Variants in MYH1 observed in about 807,000 individuals in gnomAD.
MYH1 encodes the protein myosin-1.
A neutral mutation model predicts 225.6 loss-of-function variants in MYH1; 214 were observed. The observed-to-expected ratio is 0.95, with a 90% confidence interval of 0.85 to 1.06. The LOEUF is 1.06. MYH1 is among the 50% of genes least tolerant of loss of function. The pLI is 0.00. For synonymous variants in MYH1, 774 were observed against 842.3 expected, an observed-to-expected ratio of 0.92 and a Z score of 1.40; for missense variants, 2,098 against 2,344.2, an observed-to-expected ratio of 0.89 and a Z score of 2.17.
Position 10,512,440 on chromosome 17 carries a change from C to T in MYH1, c.1115G>A (p.Arg372His), listed in dbSNP as rs190851894. Residue 372 changes from arginine (R) to histidine (H), a missense_variant, in exon 12 of 40, where the codon CGT (arginine) becomes CAT (histidine). Physicochemically the swap from Arg to His is conservative, Grantham distance 29. Coordinates refer to ENST00000226207, the MANE Select transcript of MYH1 (RefSeq NM_005963.4). The stretch of plus-strand genomic sequence containing the variant: ...GCCATCTGGCTCAGCTTGCTCCTCA[C>T]GCTGCTTTTGCTTGAATTTCATGTT... ...YGNMKFKQKQ[R>H]EEQAEPDGTE... is the part of the protein sequence containing the mutation. 3.7e-4 allele frequency: 599 copies of T among 1,614,096 alleles called. No homozygotes were observed. Among genetic ancestry groups the T allele is most frequent in the South Asian group, 4.3e-4 (39 of 91,084 alleles).
chr17:10,512,669 T>C lies in MYH1; in HGVS notation c.1008+12A>G, dbSNP rs566727756. On this transcript the variant is annotated intron_variant, in intron 11 of 39. Transcript: ENST00000226207. ...ATAATGGATTTTAAATTAAAATTCATGTATAACTTACATCTGTAGCCATCA... is the reference window on the plus strand; with the variant it reads ...ATAATGGATTTTAAATTAAAATTCACGTATAACTTACATCTGTAGCCATCA... The C allele has an allele frequency of 1.9e-5, 30 of 1,613,324 alleles. No homozygotes were observed. Among genetic ancestry groups the C allele is most frequent in the Non-Finnish European group, 2.3e-5 (27 of 1,179,248 alleles).
chr17:10,501,336 C>A lies in MYH1; in HGVS notation c.3512G>T (p.Arg1171Leu). 6.2e-7 allele frequency: 1 copy of A among 1,614,164 alleles called. No individual in the cohort carries two copies. Among genetic ancestry groups the A allele is most frequent in the East Asian group, 2.2e-5 (1 of 44,872 alleles). ...TSAQIEMNKK[R>L]EAEFQKMRRD... ...GCGCATTTTCTGGAACTCAGCCTCC[C>A]GCTTCTTGTTCATCTCAATCTGGGC... Residue 1171 changes from arginine (R) to leucine (L), a missense_variant, in exon 27 of 40, where the codon CGG (arginine) becomes CTG (leucine). Physicochemically the swap from Arg to Leu is moderately radical, Grantham distance 102. Transcript: ENST00000226207.
chr17:10,498,379 G>A (rs138292483), intron 30 of MYH1, among the ~76,000 whole-genome samples: 1 of 152,156 alleles, frequency 6.6e-6, no homozygotes, highest in East Asian at 1.9e-4. Flanking sequence ...ACTTGATTTT[G>A]TCTGTCTAAT....
At chr17:10,492,846 G>GTTT (rs61147841) in intron 39 of MYH1, among the ~76,000 whole-genome samples, 11,268 of 146,444 alleles carry the variant, frequency 0.077, 1,012 homozygotes, top group East Asian at 0.46. Flanking sequence ...GTCCAGCTTT[G>GTTT]TTTTTTTTTT....
chr17:10,518,421 T>C (rs1427020807), intron 1 of MYH1, 99 bp downstream of exon 1: 2 of 152,198 alleles, frequency 1.3e-5, no homozygotes, highest in African/African-American at 4.8e-5. Flanking sequence ...CTGGCAGGGC[T>C]GCCAGGGACA....
chr17:10,493,974 T>C (rs529842403), intron 39 of MYH1, among the ~76,000 whole-genome samples: 6 of 152,304 alleles, frequency 3.9e-5, no homozygotes, highest in Admixed American at 3.3e-4. Context: ...TTAAAAAATA[T>C]AGATCAGGTA....
Position 10,501,470 on chromosome 17 carries a change from G to T in MYH1, c.3378C>A (p.Ile1126=), listed in dbSNP as rs1345217301. 2.5e-6 allele frequency: 4 copies of T among 1,614,194 alleles called. No individual in the cohort carries two copies. Among genetic ancestry groups the T allele is most frequent in the Non-Finnish European group, 3.4e-6 (4 of 1,180,038 alleles). The change falls in exon 27 of 40, where the codon ATC becomes ATA. Residue 1126 remains isoleucine, a synonymous_variant. Transcript: ENST00000226207. ...TGGCCCGGGAGGCCCGCTCTGCCTC[G>T]ATTTCCTCCTCCAGCTCCTCAATGC... ...QARIEELEEE[I]EAERASRAKA...
At chr17:10,509,126 C>A (rs2073147056) in intron 15 of MYH1, among the ~76,000 whole-genome samples, 1 of 152,106 alleles carries the variant, frequency 6.6e-6, no homozygotes, top group South Asian at 2.1e-4. Context: ...ATTTTAAAAG[C>A]CTCTGCTTTA....
chr17:10,507,370 T>C (rs951280164), intron 17 of MYH1, among the ~76,000 whole-genome samples: 2 of 152,202 alleles, frequency 1.3e-5, no homozygotes, highest in African/African-American at 4.8e-5. Context: ...GCCGTAATTT[T>C]TTTAAAAGTG....
Position 10,498,656 on chromosome 17 carries a change from A to AT in MYH1, c.4150dup (p.Ile1384AsnfsTer22). On this transcript the variant is annotated frameshift_variant, in exon 30 of 40. Coordinates refer to ENST00000226207, the MANE Select transcript of MYH1 (RefSeq NM_005963.4). LOFTEE classifies it high-confidence loss of function. ...CTCCTCCAGCTCCTCTGTGCGCTGGATGGCATCTGTCTCATATTTGGTCCT... is the reference window on the plus strand; with the variant it reads ...CTCCTCCAGCTCCTCTGTGCGCTGGATTGGCATCTGTCTCATATTTGGTCCT... 17 of 1,613,998 alleles carry AT rather than the reference A, an allele frequency of 1.1e-5. No individual in the cohort carries two copies. The highest frequency in any genetic ancestry group is 1.4e-5 in the Non-Finnish European group (16 of 1,179,894).
chr17:10,514,736 G>A, intron 6 of MYH1, 132 bp downstream of exon 6: 1 of 805,672 alleles, frequency 1.2e-6, no homozygotes, highest in East Asian at 2.4e-5. Flanking sequence ...TTATAATAAA[G>A]CTAAACCAAT....
At position 10,506,016 on chromosome 17, in the gene MYH1, A is replaced by G. The variant is rs2073108670; in HGVS notation, c.2052T>C (p.Thr684=). Residue 684 remains threonine, a synonymous_variant, in exon 18 of 40, where the codon ACT becomes ACC. Transcript: ENST00000226207. ...TGGATATCAGAAATGTCTTACCAGG[A>G]GTTTTAGTTTCATTGGGGATGATGC... ...VRCIIPNETK[T]PGAMEHELVL... 1.9e-6 allele frequency: 3 copies of G among 1,614,056 alleles called. No individual in the cohort carries two copies. In the African/African-American group the frequency reaches 4.0e-5, roughly 22 times the overall value.
rs2073223426 is a variant in MYH1, at chr17:10,516,026, A to G, written c.405T>C (p.Tyr135=). Residue 135 remains tyrosine (Y), a synonymous_variant, in exon 5 of 40, where the codon TAT becomes TAC. Coordinates refer to ENST00000226207, the MANE Select transcript of MYH1 (RefSeq NM_005963.4). ...TVNPYKWLPV[Y]NAEVVTAYRG... ...GGTAGGCTGTCACCACCTCTGCATT[A>G]TACACTGGCAACCACTTGTAGGGGT... The G allele has an allele frequency of 1.2e-6, 2 of 1,614,084 alleles. No individual in the cohort carries two copies. The highest frequency in any genetic ancestry group is 1.7e-6 in the Non-Finnish European group (2 of 1,180,050).
chr17:10,507,447 T>C (rs1055818484), intron 17 of MYH1, among the ~76,000 whole-genome samples: 1 of 152,188 alleles, frequency 6.6e-6, no homozygotes, highest in Non-Finnish European at 1.5e-5. Context: ...CCACCACTGT[T>C]CTATCTTATA....
In MYH1 at chr17:10,496,162, CA is replaced by C; in HGVS notation, c.4966-10del. The stretch of plus-strand genomic sequence containing the variant: ...AGGTGGAGCTGGGTATCCTGTGGAA[CA>C]AACCGTCATTGAGACACCATGTATT... On this transcript the variant is annotated splice_polypyrimidine_tract_variant and intron_variant, in intron 34 of 39. Coordinates refer to ENST00000226207, the MANE Select transcript of MYH1 (RefSeq NM_005963.4). The C allele has an allele frequency of 6.2e-7, 1 of 1,614,180 alleles. No homozygotes were observed. The highest frequency in any genetic ancestry group is 8.5e-7 in the Non-Finnish European group (1 of 1,180,032).
In MYH1 at chr17:10,514,116, G is replaced by C. The variant is rs2073201891; in HGVS notation, c.542C>G (p.Ser181Cys). Reference protein sequence around the residue: ...ENQSILITGESGAGKTVNTKR... With the variant: ...ENQSILITGECGAGKTVNTKR... ...GGTGTTCACAGTCTTCCCTGCGCCA[G>C]ATTCTCCGCTGTCAAAGACCAAACG... Residue 181 changes from serine to cysteine, a missense_variant, in exon 7 of 40, where the codon TCT becomes TGT. Ser to Cys is a moderately radical substitution (Grantham distance 112). Coordinates refer to ENST00000226207, the MANE Select transcript of MYH1 (RefSeq NM_005963.4). 1 of 1,614,014 alleles carries C rather than the reference G, an allele frequency of 6.2e-7. No individual in the cohort carries two copies. The highest frequency in any genetic ancestry group is 8.5e-7 in the Non-Finnish European group (1 of 1,179,978).
At chr17:10,492,950 C>G (rs1025541686) in intron 39 of MYH1, among the ~76,000 whole-genome samples, 3 of 151,698 alleles carry the variant, frequency 2.0e-5, no homozygotes, top group African/African-American at 7.3e-5. Context: ...AACCATTAAG[C>G]TTGAATATAA....
chr17:10,512,722 C>T lies in MYH1; in HGVS notation c.967G>A (p.Val323Met). The change falls in exon 11 of 40, where the codon GTG (valine) becomes ATG (methionine). Residue 323 changes from valine (V) to methionine (M), a missense_variant. Coordinates refer to ENST00000226207, the MANE Select transcript of MYH1 (RefSeq NM_005963.4). ...TCTTCTTGGTCATCAATGCTGGGCACTGTGATCTCCCCTTGACTGACGAAG... is the reference window on the plus strand; with the variant it reads ...TCTTCTTGGTCATCAATGCTGGGCATTGTGATCTCCCCTTGACTGACGAAG... The part of the protein sequence containing the change: ...YAFVSQGEIT[V>M]PSIDDQEELM... 7 of 1,613,882 alleles carry T rather than the reference C, an allele frequency of 4.3e-6. No individual in the cohort carries two copies. Among genetic ancestry groups the T allele is most frequent in the Middle Eastern group, 1.6e-4 (1 of 6,062 alleles).
At chr17:10,517,594 C>T (rs1474121103) in intron 2 of MYH1, among the ~76,000 whole-genome samples, 3 of 152,156 alleles carry the variant, frequency 2.0e-5, no homozygotes, top group African/African-American at 7.2e-5. Context: ...CAGGGAAGCT[C>T]ATTTGGATAC....
Sources: allele counts gnomAD v4.1 joint callset (sites outside exome capture counted in the v4.1 genomes callset), GRCh38; gene constraint gnomAD v4.1.1; transcripts MANE v1.5; gene names NCBI Gene and HGNC (gene_info 2026-07-23, HGNC 2026-07-21).